IAH1: variants seen among roughly 807,000 people sequenced by gnomAD.
IAH1 encodes the protein isoamyl acetate-hydrolyzing esterase 1 homolog.
In IAH1, 24 loss-of-function variants were observed where a neutral mutation model predicts 26.7. The ratio of observed to expected loss-of-function variants is 0.90; its 90% CI spans 0.65 to 1.26. IAH1 has a LOEUF of 1.26. IAH1 is among the 50% of genes most tolerant of loss of function. IAH1 has a pLI of 0.00. For synonymous variants in IAH1, 140 were observed against 118.5 expected, an observed-to-expected ratio of 1.18 and a Z score of -1.18; for missense variants, 300 against 299.9, an observed-to-expected ratio of 1.00 and a Z score of 0.00.
downstream of IAH1, chr2:9,490,342 TGA>T (rs746900439): frequency 5.6e-6 from 9 of 1,614,134 alleles, no homozygotes; most frequent in Non-Finnish European, 5.9e-6. Flanking sequence ...CGTCCATATG[TGA>T]GTCTGTGCTG....
downstream of IAH1, chr2:9,491,280 C>T: frequency 1.3e-6 from 1 of 752,464 alleles, no homozygotes; most frequent in Non-Finnish European, 2.2e-6. Context: ...TGATAGCAGG[C>T]TCAACAGATG....
intron 2 of IAH1, among the ~76,000 whole-genome samples, chr2:9,476,435 CGCACTT>C (rs1312905189): frequency 6.6e-6 from 1 of 152,210 alleles, no homozygotes; most frequent in Non-Finnish European, 1.5e-5. Flanking sequence ...ACAATTCTAC[CGCACTT>C]TGTTTTGGTT....
At chr2:9,478,586 T>G (rs563294598) in intron 3 of IAH1, among the ~76,000 whole-genome samples, 1 of 152,340 alleles carries the variant, frequency 6.6e-6, no homozygotes, top group East Asian at 1.9e-4. Flanking sequence ...GTCCTAATCT[T>G]GCAAACAGTT....
intron 3 of IAH1, among the ~76,000 whole-genome samples, chr2:9,480,150 C>T (rs1661080792): frequency 1.3e-5 from 2 of 152,172 alleles, no homozygotes; most frequent in African/African-American, 4.8e-5. Flanking sequence ...ACAAGCTGTA[C>T]AGTACGGAAA....
Position 9,474,703 on chromosome 2 carries a change from C to T in IAH1, c.81+56C>T, listed in dbSNP as rs1231669688. 2.1e-5 allele frequency: 28 copies of T among 1,325,732 alleles called. No individual in the cohort carries two copies. In the East Asian group the frequency reaches 6.9e-4, roughly 32 times the overall value. 82.1% of individuals were successfully genotyped at this position (1,325,732 alleles called of 1,614,324 possible). ...CCCGGCCTCCCTGCGGGGTCGCTGC[C>T]GAGCAGGCCGAGGCTCCTCGCCGTC... On this transcript the variant is annotated intron_variant, in intron 1 of 5. Transcript: ENST00000497473. This position sits in a 1 kb window ranked among gnomAD's most constrained non-coding sequence, Gnocchi z 4.3.
At chr2:9,509,467 C>G in the IAH1 span, among the ~76,000 whole-genome samples, 1 of 152,144 alleles carries the variant, frequency 6.6e-6, no homozygotes, top group African/African-American at 2.4e-5. Context: ...ATGCCAGATA[C>G]TCCTACTAGG....
downstream of IAH1, among the ~76,000 whole-genome samples, chr2:9,499,546 C>T (rs377318783): frequency 6.0e-4 from 91 of 152,096 alleles, no homozygotes; most frequent in East Asian, 0.012. Context: ...GGACTACAGG[C>T]GCCCGCCACC....
At position 9,487,815 on chromosome 2, in the gene IAH1, T is replaced by TGC. The variant is rs1391138854; in HGVS notation, c.565-331_565-330insCG. ...GTGTGTGTGTGTGTGTGTGTGTGTG[T>TGC]GTGTGTGTGTGTGTGTGTGCGCGCG... On this transcript the variant is annotated intron_variant, in intron 5 of 5. Coordinates refer to ENST00000497473, the MANE Select transcript of IAH1 (RefSeq NM_001039613.3). 7.7e-3 allele frequency among the ~76,000 whole-genome samples: 715 copies of TGC among 93,226 alleles called. 6 individuals carry two copies. Among genetic ancestry groups the TGC allele is most frequent in the African/African-American group, 0.026 (650 of 24,828 alleles). The allele number at this position is 93,226 out of a possible 152,430, so 61.2% of individuals were successfully genotyped here.
downstream of IAH1, chr2:9,493,094 G>T: frequency 1.2e-6 from 1 of 852,734 alleles, no homozygotes; most frequent in Non-Finnish European, 1.8e-6. Flanking sequence ...CTGCTGGCTA[G>T]ACATACTACC....
intron 3 of IAH1, among the ~76,000 whole-genome samples, chr2:9,479,652 C>A (rs1161907143): frequency 6.6e-6 from 1 of 152,194 alleles, no homozygotes; most frequent in African/African-American, 2.4e-5. Flanking sequence ...GGAACTCTTA[C>A]ATTCCTGGTG....
At chr2:9,480,387 A>G (rs1332036516) in intron 3 of IAH1, among the ~76,000 whole-genome samples, 1 of 152,114 alleles carries the variant, frequency 6.6e-6, no homozygotes, top group Non-Finnish European at 1.5e-5. Flanking sequence ...TAGTCCCAGT[A>G]CTTAGGAAGC....
chr2:9,481,975 G>A (rs1358623696), intron 4 of IAH1, among the ~76,000 whole-genome samples: 4 of 151,536 alleles, frequency 2.6e-5, no homozygotes, highest in Non-Finnish European at 5.9e-5. Flanking sequence ...GTTCAAACCT[G>A]TGTTGTTCAA....
downstream of IAH1, among the ~76,000 whole-genome samples, chr2:9,500,467 T>C (rs1662932597): frequency 6.6e-6 from 1 of 152,192 alleles, no homozygotes; most frequent in Non-Finnish European, 1.5e-5. Flanking sequence ...AATGTAAATG[T>C]TCTAAAATTA....
Position 9,494,844 on chromosome 2 carries a change from A to C in IAH1, c.*206A>C. 3.9e-6 allele frequency: 6 copies of C among 1,554,066 alleles called. No homozygotes were observed. In the Admixed American group the frequency reaches 1.1e-4, roughly 29 times the overall value. On this transcript the variant is annotated 3_prime_UTR_variant, in exon 6 of 7. Transcript: ENST00000481367. ...CCTCCTGCCTCCTCTTTCCTCCCTG[A>C]CCATGCTCCCAAAGAGGTAAGAAAT...
chr2:9,502,452 T>A, the IAH1 span, among the ~76,000 whole-genome samples: 1 of 152,110 alleles, frequency 6.6e-6, no homozygotes, highest in East Asian at 1.9e-4. Flanking sequence ...ACACACTTTG[T>A]CCCTTCCTAA....
chr2:9,487,827 T>C (rs1409854014), intron 5 of IAH1, among the ~76,000 whole-genome samples: 149 of 97,230 alleles, frequency 1.5e-3, no homozygotes, highest in Middle Eastern at 5.1e-3. Flanking sequence ...TGTGTGTGTG[T>C]GTGTGTGCGC....
chr2:9,503,785 C>T, the IAH1 span, among the ~76,000 whole-genome samples: 1 of 150,818 alleles, frequency 6.6e-6, no homozygotes, highest in Admixed American at 6.6e-5. Context: ...TTGCAGTGAG[C>T]CAAGATCACG....
rs760495548 is a variant in IAH1 at position 9,481,323 on chromosome 2, C to T, written c.321C>T (p.Tyr107=). 2.0e-5 allele frequency: 33 copies of T among 1,614,068 alleles called. 1 individual carries two copies. In the East Asian group the frequency reaches 3.3e-4, roughly 16 times the overall value. ...AGCAGCACATTCCCCTGGAGGAGTACGCTGCGAACCTAAAGAGCATGGTGC... is the reference window on the plus strand; with the variant it reads ...AGCAGCACATTCCCCTGGAGGAGTATGCTGCGAACCTAAAGAGCATGGTGC... The part of the protein sequence containing the change: ...NPKQHIPLEE[Y]AANLKSMVQY... Residue 107 remains tyrosine (Y), a synonymous_variant, in exon 4 of 6, where the codon TAC becomes TAT. Transcript: ENST00000497473.
intron 5 of IAH1, among the ~76,000 whole-genome samples, chr2:9,487,161 G>C (rs763649176): frequency 6.6e-6 from 1 of 152,086 alleles, no homozygotes; most frequent in Non-Finnish European, 1.5e-5. Flanking sequence ...AAGATCGCTT[G>C]AGCCCAGGAG....
Sources: allele counts gnomAD v4.1 joint callset (sites outside exome capture counted in the v4.1 genomes callset), GRCh38; gene constraint gnomAD v4.1.1; non-coding constraint Gnocchi (gnomAD v3.1); transcripts MANE v1.5; gene names NCBI Gene and HGNC (gene_info 2026-07-23, HGNC 2026-07-21).